The following NLRP4 variants were observed in gnomAD, a reference collection of about 807,000 sequenced individuals.
NLRP4 encodes NACHT, LRR and PYD domains-containing protein 4.
NLRP4 carries 44 observed loss-of-function variants against 84.7 expected under a neutral mutation model. The observed-to-expected ratio is 0.52, with a 90% CI of 0.41 to 0.67. NLRP4 has a LOEUF of 0.67. Ranked by LOEUF, NLRP4 falls within the 30% of genes least tolerant of loss-of-function variation. The pLI is 0.00. For missense variants in NLRP4, 1,260 were observed against 1,219.4 expected, an observed-to-expected ratio of 1.03 and a Z score of -0.50; for synonymous variants, 544 against 476.4, an observed-to-expected ratio of 1.14 and a Z score of -1.85.
intron 8 of NLRP4, among the ~76,000 whole-genome samples, chr19:55,877,517 A>G (rs1470988078): frequency 1.3e-5 from 2 of 152,120 alleles, no homozygotes; most frequent in Non-Finnish European, 2.9e-5. Context: ...CTCATTATCT[A>G]ACTGGTTGGC....
chr19:55,845,717 T>A (rs1253989134), intron 1 of NLRP4, among the ~76,000 whole-genome samples: 2 of 151,590 alleles, frequency 1.3e-5, no homozygotes, highest in Non-Finnish European at 2.9e-5. Flanking sequence ...ATGATCACCA[T>A]TCTAACTGGT....
intron 4 of NLRP4, 129 bp from the exon 5 acceptor site, chr19:55,861,863 T>C (rs1290076234): frequency 2.7e-6 from 2 of 739,842 alleles, no homozygotes. Flanking sequence ...AGTTGAGAAC[T>C]ACTGAGCTGT....
rs774188115 is a variant in NLRP4, at chr19:55,858,034, C to T, written c.641C>T (p.Ala214Val). 6.2e-7 allele frequency: 1 copy of T among 1,614,156 alleles called. No individual in the cohort carries two copies. Among genetic ancestry groups the T allele is most frequent in the Non-Finnish European group, 8.5e-7 (1 of 1,180,024 alleles). Residue 214 changes from alanine to valine, a missense_variant, in exon 3 of 10, where the codon GCT (alanine) becomes GTT (valine). Coordinates refer to ENST00000301295, the MANE Select transcript of NLRP4 (RefSeq NM_134444.5). This position sits in a 1 kb window ranked among gnomAD's most constrained non-coding sequence, Gnocchi z 4.2. ...LISREWPDPA[A>V]PITEIVSQPE... is the part of the protein sequence containing the mutation. The stretch of plus-strand genomic sequence containing the variant: ...TCCAGAGAGTGGCCTGACCCCGCTG[C>T]TCCTATAACAGAGATCGTGTCTCAA...
intron 6 of NLRP4, among the ~76,000 whole-genome samples, chr19:55,868,860 T>C (rs1193032424): frequency 6.6e-6 from 1 of 152,138 alleles, no homozygotes; most frequent in Non-Finnish European, 1.5e-5. Context: ...TTTTGGGCAT[T>C]TTGAAATATG....
chr19:55,865,645 T>A (rs1035817863), intron 5 of NLRP4, among the ~76,000 whole-genome samples: 18 of 152,188 alleles, frequency 1.2e-4, no homozygotes, highest in Non-Finnish European at 1.5e-4. Flanking sequence ...TGACTTTTTT[T>A]AATAATAGCC....
chr19:55,878,075 T>C (rs1568676170), intron 8 of NLRP4, among the ~76,000 whole-genome samples: 1 of 152,094 alleles, frequency 6.6e-6, no homozygotes, highest in Admixed American at 6.5e-5. Context: ...GGCTAGGAGT[T>C]CAAGAACAGG....
intron 1 of NLRP4, among the ~76,000 whole-genome samples, chr19:55,848,707 A>G (rs1983897951): frequency 6.6e-6 from 1 of 152,134 alleles, no homozygotes; most frequent in African/African-American, 2.4e-5. Flanking sequence ...CGGCTGTACT[A>G]TATTCTTTAA....
At position 55,846,572 on chromosome 19, in the gene NLRP4, G is replaced by A. The variant is rs186595663; in HGVS notation, c.-65-5444G>A. 3.9e-5 allele frequency among the ~76,000 whole-genome samples: 6 copies of A among 152,228 alleles called. No homozygotes were observed. The East Asian group carries it at 1.2e-3, about 29-fold the overall frequency. On this transcript the variant is annotated intron_variant, in intron 1 of 9. Transcript: ENST00000301295. ...TTAACTGACATTATATATAACTGAT[G>A]TTATATAACAGATATATAACTGATA... is the stretch of plus-strand genomic sequence containing the variant.
chr19:55,837,350 C>T (rs1425159069), intron 1 of NLRP4, among the ~76,000 whole-genome samples: 2 of 151,966 alleles, frequency 1.3e-5, no homozygotes, highest in Non-Finnish European at 2.9e-5. Flanking sequence ...TACCCCTGAA[C>T]CTAACATAAA....
At chr19:55,874,594 A>G (rs991380591) in intron 7 of NLRP4, among the ~76,000 whole-genome samples, 14 of 152,212 alleles carry the variant, frequency 9.2e-5, no homozygotes, top group African/African-American at 3.1e-4. Context: ...AGACAAAAGA[A>G]AAATGAATCA....
intron 5 of NLRP4, among the ~76,000 whole-genome samples, chr19:55,865,749 C>T (rs1984929429): frequency 1.3e-5 from 2 of 152,118 alleles, no homozygotes; most frequent in Non-Finnish European, 2.9e-5. Context: ...GTTGGCAACA[C>T]CTTTGCACAT....
At chr19:55,867,602 C>T (rs192486427) in intron 5 of NLRP4, 107 bp from the exon 6 acceptor site, 1 of 972,696 alleles carries the variant, frequency 1.0e-6, no homozygotes, top group African/African-American at 1.6e-5. Context: ...GGCAGTGAGC[C>T]TCTCAAGGAC....
rs142097101 is a variant in NLRP4, at chr19:55,851,916, G to A, written c.-65-100G>A. On this transcript the variant is annotated intron_variant, in intron 1 of 9. Coordinates refer to ENST00000301295, the MANE Select transcript of NLRP4 (RefSeq NM_134444.5). ...GATGAATGTAATTAAATAACTTTCC[G>A]CCTTCATTGCCATCCCCCCAGTACT... The A allele has an allele frequency of 2.7e-4, 154 of 579,404 alleles. No homozygotes were observed. The East Asian group carries it at 3.7e-3, about 14-fold the overall frequency. 35.9% of individuals were successfully genotyped at this position (579,404 alleles called of 1,614,324 possible). A position where few individuals can be genotyped will look rare whatever the true frequency, so the allele number is the denominator to read the frequency against.
intron 2 of NLRP4, 45 bp downstream of exon 2, chr19:55,852,405 A>G (rs369184062): frequency 3.0e-6 from 4 of 1,353,986 alleles, no homozygotes; most frequent in South Asian, 1.3e-5. Flanking sequence ...AATGAGGACT[A>G]TGTCCTAATT....
chr19:55,878,580 C>G (rs141882622), intron 8 of NLRP4, among the ~76,000 whole-genome samples: 1,663 of 152,270 alleles, frequency 0.011, 15 homozygotes, highest in Non-Finnish European at 0.017. Flanking sequence ...TGCAAAGTCA[C>G]ATTGCTGTGG....
At chr19:55,880,171 A>ATTT (rs35714851) in intron 9 of NLRP4, among the ~76,000 whole-genome samples, 2 of 150,876 alleles carry the variant, frequency 1.3e-5, no homozygotes, top group African/African-American at 4.9e-5. Flanking sequence ...ACATTCACTG[A>ATTT]TTTTTTTTTT....
At chr19:55,871,678 A>G (rs1985189368) in intron 7 of NLRP4, among the ~76,000 whole-genome samples, 2 of 152,196 alleles carry the variant, frequency 1.3e-5, no homozygotes, top group African/African-American at 4.8e-5. Flanking sequence ...TGTATTCCTC[A>G]CTTGAAGAGT....
In NLRP4 at chr19:55,858,436, G is replaced by A; in HGVS notation, c.1043G>A (p.Cys348Tyr). Residue 348 changes from cysteine (C) to tyrosine (Y), a missense_variant, in exon 3 of 10, where the codon TGT (cysteine) becomes TAT (tyrosine). By Grantham distance (194) the Cys-to-Tyr change is radical. Around this residue, in one of 3 missense-constraint regions of NLRP4, gnomAD observed 712 missense variants for 669.2 expected, o/e 1.06. Coordinates refer to ENST00000301295, the MANE Select transcript of NLRP4 (RefSeq NM_134444.5). This position sits in a 1 kb window ranked among gnomAD's most constrained non-coding sequence, Gnocchi z 4.2. ...CQIPLLCWIL[C>Y]TSLKQEMQKG... ...ATCCCGCTCCTCTGCTGGATCCTGT[G>A]TACCAGTCTGAAGCAAGAGATGCAG... The A allele has an allele frequency of 6.2e-7, 1 of 1,614,126 alleles. No homozygotes were observed. Among genetic ancestry groups the A allele is most frequent in the Non-Finnish European group, 8.5e-7 (1 of 1,180,028 alleles).
At chr19:55,848,329 G>C (rs765084721) in intron 1 of NLRP4, among the ~76,000 whole-genome samples, 2 of 151,750 alleles carry the variant, frequency 1.3e-5, no homozygotes, top group Non-Finnish European at 2.9e-5. Flanking sequence ...GTGTCTGGCT[G>C]GTTTCTCCAC....
Sources: allele counts gnomAD v4.1 joint callset (sites outside exome capture counted in the v4.1 genomes callset), GRCh38; gene constraint gnomAD v4.1.1; regional missense constraint gnomAD v4.1.1; non-coding constraint Gnocchi (gnomAD v3.1); transcripts MANE v1.5; gene names NCBI Gene and HGNC (gene_info 2026-07-23, HGNC 2026-07-21).